Variants in MAPK4 observed in about 807,000 individuals in gnomAD.
MAPK4 encodes the protein Erk3-related.
In MAPK4, 22 loss-of-function variants were observed where a neutral mutation model predicts 47.7. The observed-to-expected ratio is 0.46, with a 90% CI of 0.33 to 0.66. MAPK4 has a LOEUF of 0.66. Among genes scored for constraint, MAPK4 ranks in the 30% least tolerant of loss-of-function variants. The pLI is 0.02. For synonymous variants in MAPK4, 390 were observed against 365.7 expected (o/e 1.07, Z -0.76); for missense variants, 736 against 831.7 (o/e 0.88, Z 1.42).
At chr18:50,680,548 A>G (rs1232950951) in intron 2 of MAPK4, among the ~76,000 whole-genome samples, 1 of 152,074 alleles carries the variant, frequency 6.6e-6, no homozygotes, top group Admixed American at 6.6e-5. Context: ...CAAAAGAAAC[A>G]TCATCCCATC....
At chr18:50,589,636 G>A (rs948137204) in intron 1 of MAPK4, among the ~76,000 whole-genome samples, 47 of 152,008 alleles carry the variant, frequency 3.1e-4, no homozygotes, top group African/African-American at 1.1e-3. Context: ...GCATGACCGT[G>A]GTGTATCTAG....
chr18:50,677,686 A>C (rs1908355906), intron 2 of MAPK4, among the ~76,000 whole-genome samples: 1 of 152,142 alleles, frequency 6.6e-6, no homozygotes, highest in Non-Finnish European at 1.5e-5. Flanking sequence ...AGCTGGGGCT[A>C]TAGGCACATG....
chr18:50,638,969 T>A lies in MAPK4; in HGVS notation c.-870-24120T>A, dbSNP rs2042913930. ...AGCAGAGCCAGGGTTCCAAGCCAGG[T>A]CTGCTTATCTGCAGGCCTCCACAGA... On this transcript the variant is annotated intron_variant, in intron 1 of 5. Coordinates refer to ENST00000400384, the MANE Select transcript of MAPK4 (RefSeq NM_002747.4). Among the ~76,000 whole-genome samples the A allele has an allele frequency of 2.0e-5, 3 of 152,166 alleles. No homozygotes were observed. In the South Asian group the frequency reaches 6.2e-4, roughly 32 times the overall value.
chr18:50,608,793 G>A (rs1274733743), intron 1 of MAPK4, among the ~76,000 whole-genome samples: 2 of 152,028 alleles, frequency 1.3e-5, no homozygotes, highest in African/African-American at 4.8e-5. Flanking sequence ...AGGGTCATAG[G>A]ACAATAGTGG....
At chr18:50,572,581 G>C (rs2042259272) in intron 1 of MAPK4, among the ~76,000 whole-genome samples, 1 of 152,030 alleles carries the variant, frequency 6.6e-6, no homozygotes, top group East Asian at 1.9e-4. Flanking sequence ...TTTCTTCTGA[G>C]ATTCTCATAA....
rs139985594 is a variant in MAPK4, at chr18:50,616,477, A to C, written c.-870-46612A>C. ...TAGGGTTCTCTAAAGGGACAAAACT[A>C]ATAGGATAGATAAATATATGAGGGG... On this transcript the variant is annotated intron_variant, in intron 1 of 5. Coordinates refer to ENST00000400384, the MANE Select transcript of MAPK4 (RefSeq NM_002747.4). Among the ~76,000 whole-genome samples, 286 of 152,350 alleles carry C rather than the reference A, an allele frequency of 1.9e-3. 1 individual carries two copies. Among genetic ancestry groups the C allele is most frequent in the African/African-American group, 6.7e-3 (278 of 41,592 alleles).
chr18:50,595,051 C>T (rs915646941), intron 1 of MAPK4, among the ~76,000 whole-genome samples: 9 of 152,134 alleles, frequency 5.9e-5, no homozygotes, highest in Non-Finnish European at 1.0e-4. Flanking sequence ...AGACTGGCAA[C>T]GCCGGATGTT....
chr18:50,668,585 C>T (rs981658768), intron 2 of MAPK4, among the ~76,000 whole-genome samples: 1 of 152,218 alleles, frequency 6.6e-6, no homozygotes, highest in African/African-American at 2.4e-5. Context: ...GCAGCCCACA[C>T]TTGGGGAGAT....
At chr18:50,563,563 A>G (rs916352218) in intron 1 of MAPK4, among the ~76,000 whole-genome samples, 48 of 152,252 alleles carry the variant, frequency 3.2e-4, no homozygotes, top group African/African-American at 1.2e-3. Flanking sequence ...CCTGCATCTC[A>G]GCCATTCTTT....
At chr18:50,695,491 C>T (rs1909466093) in intron 2 of MAPK4, among the ~76,000 whole-genome samples, 1 of 152,104 alleles carries the variant, frequency 6.6e-6, no homozygotes, top group South Asian at 2.1e-4. Flanking sequence ...CTGTTTTCCC[C>T]TATATAAGGG....
intron 1 of MAPK4, among the ~76,000 whole-genome samples, chr18:50,567,828 A>T (rs184597078): frequency 0.082 from 11,823 of 143,428 alleles, 509 homozygotes; most frequent in African/African-American, 0.097. Context: ...TGTTTTTTTA[A>T]AAAAAAAAAA....
chr18:50,716,029 C>T lies in MAPK4; in HGVS notation c.691+806C>T, dbSNP rs545940187. Among the ~76,000 whole-genome samples the T allele has an allele frequency of 3.1e-4, 47 of 152,328 alleles. No individual in the cohort carries two copies. The South Asian group carries it at 8.9e-3, about 29-fold the overall frequency. ...AAAACTCCTAGTGAACCTTCAAAAC[C>T]CAGCTTATGTCTTGTCCTCCATGAC... On this transcript the variant is annotated intron_variant, in intron 3 of 5. Coordinates refer to ENST00000400384, the MANE Select transcript of MAPK4 (RefSeq NM_002747.4).
intron 2 of MAPK4, among the ~76,000 whole-genome samples, chr18:50,671,811 G>A (rs1598893490): frequency 1.3e-5 from 2 of 150,652 alleles, no homozygotes; most frequent in Middle Eastern, 3.4e-3. Flanking sequence ...GATCACTTGA[G>A]CCCAAGAGTT....
chr18:50,721,911 C>T, intron 3 of MAPK4, 27 bp from the exon 4 acceptor site: 1 of 1,613,238 alleles, frequency 6.2e-7, no homozygotes. Flanking sequence ...GGACAGCACA[C>T]TTAACCATCT....
At chr18:50,632,027 C>T (rs1473508624) in intron 1 of MAPK4, among the ~76,000 whole-genome samples, 2 of 152,022 alleles carry the variant, frequency 1.3e-5, no homozygotes, top group Non-Finnish European at 2.9e-5. Context: ...TGTGGGTGGC[C>T]GTGAGAAAGG....
chr18:50,563,767 G>A (rs2042174581), intron 1 of MAPK4, among the ~76,000 whole-genome samples: 1 of 152,154 alleles, frequency 6.6e-6, no homozygotes. Context: ...CCTCATCAGG[G>A]CCTGCTATGC....
At chr18:50,575,371 A>G (rs770151143) in intron 1 of MAPK4, among the ~76,000 whole-genome samples, 2 of 152,220 alleles carry the variant, frequency 1.3e-5, no homozygotes, top group Non-Finnish European at 2.9e-5. Context: ...TTGTCTTTGC[A>G]GAACAAATGG....
intron 1 of MAPK4, among the ~76,000 whole-genome samples, chr18:50,562,392 T>C (rs1018110154): frequency 1.5e-5 from 2 of 135,896 alleles, no homozygotes; most frequent in African/African-American, 5.6e-5. Flanking sequence ...TTTTCTCAAA[T>C]AAACTTCATT....
intron 3 of MAPK4, among the ~76,000 whole-genome samples, chr18:50,715,614 G>A (rs1299873360): frequency 6.6e-6 from 1 of 152,216 alleles, no homozygotes; most frequent in African/African-American, 2.4e-5. Context: ...AATGAGGCTG[G>A]AGGGAGCTTG....
Sources: gnomAD v4.1 joint callset for allele counts (sites outside exome capture counted in the v4.1 genomes callset) on GRCh38, gnomAD v4.1.1 for gene constraint, MANE v1.5 for transcripts, NCBI Gene and HGNC (gene_info 2026-07-23, HGNC 2026-07-21) for gene names.